The following ANG variants were observed in gnomAD, a reference collection of about 807,000 sequenced individuals.
ANG encodes the protein Homo sapiens epididymis luminal protein 168.
For synonymous variants in ANG, 74 were observed against 73.8 expected, an observed-to-expected ratio of 1.00 and a Z score of -0.02; for missense variants, 178 against 187.4, an observed-to-expected ratio of 0.95 and a Z score of 0.29.
In ANG at chr14:20,694,061, C is replaced by T. The variant is rs767236136; in HGVS notation, c.*53C>T. 94 of 1,599,682 alleles carry T rather than the reference C, an allele frequency of 5.9e-5. No homozygotes were observed. The highest frequency in any genetic ancestry group is 7.9e-5 in the Non-Finnish European group (92 of 1,167,092). On this transcript the variant is annotated 3_prime_UTR_variant, in exon 2 of 2. Coordinates refer to ENST00000397990, the MANE Select transcript of ANG (RefSeq NM_001097577.3). The stretch of plus-strand genomic sequence containing the variant: ...TCTGCTGTCCTTGCCTTCCATTTCC[C>T]CTCTGCACCCAGAACAGTGGTGGCA...
At chr14:20,689,338 T>C (rs752991010) in intron 1 of ANG, among the ~76,000 whole-genome samples, 1 of 152,196 alleles carries the variant, frequency 6.6e-6, no homozygotes, top group African/African-American at 2.4e-5. Flanking sequence ...GAAGGCTCAC[T>C]GGCAGGTTGA....
upstream of ANG, among the ~76,000 whole-genome samples, chr14:20,685,724 C>G (rs1337925220): frequency 6.6e-6 from 1 of 152,080 alleles, no homozygotes; most frequent in Non-Finnish European, 1.5e-5. Flanking sequence ...CTCTGATTGT[C>G]TAGAAAGTAC....
rs1886921814 is a variant in ANG, at chr14:20,693,587, T to C, written c.23T>C (p.Leu8Ser). 1 of 1,613,310 alleles carries C rather than the reference T, an allele frequency of 6.2e-7. No individual in the cohort carries two copies. The highest frequency in any genetic ancestry group is 1.7e-5 in the Admixed American group (1 of 60,010). Residue 8 changes from leucine (L) to serine (S), a missense_variant, in exon 2 of 2, where the codon TTG becomes TCG. Transcript: ENST00000397990. ...GAGATGGTGATGGGCCTGGGCGTTT[T>C]GTTGTTGGTCTTCGTGCTGGGTCTG... MVMGLGV[L>S]LLVFVLGLGL...
chr14:20,689,155 C>T (rs979170526), intron 1 of ANG, among the ~76,000 whole-genome samples: 13 of 152,192 alleles, frequency 8.5e-5, no homozygotes, highest in African/African-American at 2.9e-4. Flanking sequence ...TGAAGGCCAT[C>T]GGGAGTCCTC....
In ANG at chr14:20,694,055, A is replaced by G. The variant is rs144376159; in HGVS notation, c.*47A>G. 5 of 1,606,660 alleles carry G rather than the reference A, an allele frequency of 3.1e-6. No homozygotes were observed. The African/African-American group carries it at 5.3e-5, about 17-fold the overall frequency. On this transcript the variant is annotated 3_prime_UTR_variant, in exon 2 of 2. Coordinates refer to ENST00000397990, the MANE Select transcript of ANG (RefSeq NM_001097577.3). ...GCTGGCTCTGCTGTCCTTGCCTTCC[A>G]TTTCCCCTCTGCACCCAGAACAGTG...
At chr14:20,690,418 G>A (rs12895066) in intron 1 of ANG, among the ~76,000 whole-genome samples, 43,652 of 151,752 alleles carry the variant, frequency 0.29, 6,427 homozygotes, top group East Asian at 0.43. Flanking sequence ...CACCACAAAC[G>A]ATCTGTCTCT....
At chr14:20,685,782 C>T (rs993381238), upstream of ANG, among the ~76,000 whole-genome samples, 2 of 152,142 alleles carry the variant, frequency 1.3e-5, no homozygotes, top group African/African-American at 4.8e-5. Context: ...TGGCTCATGC[C>T]TGTAATCCCA....
At chr14:20,691,651 A>G (rs780115453) in intron 1 of ANG, among the ~76,000 whole-genome samples, 9 of 152,248 alleles carry the variant, frequency 5.9e-5, no homozygotes, top group African/African-American at 7.2e-5. Flanking sequence ...TCAAGTATGG[A>G]CAAATGTCGG....
chr14:20,690,896 C>T (rs1394692497), intron 1 of ANG, among the ~76,000 whole-genome samples: 2 of 152,188 alleles, frequency 1.3e-5, no homozygotes, highest in Non-Finnish European at 2.9e-5. Context: ...ATTGTTCATC[C>T]ACGATCACGT....
intron 1 of ANG, among the ~76,000 whole-genome samples, chr14:20,693,003 ACGCC>A (rs1422131594): frequency 6.6e-6 from 1 of 151,378 alleles, no homozygotes; most frequent in Non-Finnish European, 1.5e-5. Flanking sequence ...GCCCGCCACT[ACGCC>A]CGGCTAATTT....
At chr14:20,688,464 A>G (rs561544342), upstream of ANG, among the ~76,000 whole-genome samples, 53 of 152,184 alleles carry the variant, frequency 3.5e-4, no homozygotes, top group Non-Finnish European at 1.5e-4. Flanking sequence ...GAGATCAGAG[A>G]TGCTATCTTA....
chr14:20,690,625 G>C (rs984392713), intron 1 of ANG, among the ~76,000 whole-genome samples: 1 of 152,186 alleles, frequency 6.6e-6, no homozygotes, highest in East Asian at 1.9e-4. Context: ...ATTTGTCTCT[G>C]TAACTGAGGG....
At chr14:20,685,602 C>T (rs1364464795), upstream of ANG, among the ~76,000 whole-genome samples, 1 of 152,180 alleles carries the variant, frequency 6.6e-6, no homozygotes, top group Non-Finnish European at 1.5e-5. Context: ...CGCTTCAATT[C>T]AAGCAATTCT....
intron 1 of ANG, among the ~76,000 whole-genome samples, chr14:20,690,221 C>CAAAAAAAAAAAAAAAAAA (rs36091065): frequency 5.4e-4 from 37 of 67,986 alleles, no homozygotes; most frequent in Non-Finnish European, 6.9e-4. Context: ...GACTCCGTCT[C>CAAAAAAAAAAAAAAAAAA]AAAAAAAAAA....
In ANG at chr14:20,693,777, T is replaced by C. The variant is rs775737328; in HGVS notation, c.213T>C (p.His71=). Reference sequence around the variant, plus strand: ...GCAAAGACATCAACACATTTATTCATGGCAACAAGCGCAGCATCAAGGCCA... The same window carrying C: ...GCAAAGACATCAACACATTTATTCACGGCAACAAGCGCAGCATCAAGGCCA... The part of the protein sequence containing the change: ...SPCKDINTFI[H]GNKRSIKAIC... The change falls in exon 2 of 2, where the codon CAT becomes CAC. Residue 71 remains histidine (H), a synonymous_variant. Transcript: ENST00000397990. The C allele has an allele frequency of 8.1e-6, 13 of 1,614,094 alleles. No individual in the cohort carries two copies. Among genetic ancestry groups the C allele is most frequent in the South Asian group, 7.7e-5 (7 of 91,080 alleles).
chr14:20,684,354 C>T (rs149147430), upstream of ANG: 116 of 152,348 alleles, frequency 7.6e-4, 1 homozygote, highest in African/African-American at 2.7e-3. Context: ...AGGCAGTGCT[C>T]TCGCGGCTGC....
At chr14:20,684,785 C>T (rs34282815), upstream of ANG, 4,162 of 153,630 alleles carry the variant, frequency 0.027, 85 homozygotes, top group Non-Finnish European at 0.045. Flanking sequence ...GCTCCTCCTC[C>T]TCCTCTCTGG....
intron 1 of ANG, 100 bp from the exon 2 acceptor site, chr14:20,693,447 T>C: frequency 6.7e-7 from 1 of 1,488,118 alleles, no homozygotes. Flanking sequence ...GGAAAAGATC[T>C]GATTCATGAT....
rs1315707918 is a variant in ANG at position 20,693,536 on chromosome 14, G to T, written c.-18-11G>T. The T allele has an allele frequency of 2.5e-6, 4 of 1,609,264 alleles. No homozygotes were observed. The South Asian group carries it at 4.4e-5, about 18-fold the overall frequency. The stretch of plus-strand genomic sequence containing the variant: ...TCTTGGGTCTACCACACCTCCTTTT[G>T]CCCTCCGCAGGAGCCTGTGTTGGAA... On this transcript the variant is annotated splice_polypyrimidine_tract_variant and intron_variant, in intron 1 of 1. Coordinates refer to ENST00000397990, the MANE Select transcript of ANG (RefSeq NM_001097577.3).
Sources: gnomAD v4.1 joint callset for allele counts (sites outside exome capture counted in the v4.1 genomes callset) on GRCh38, gnomAD v4.1.1 for gene constraint, MANE v1.5 for transcripts, NCBI Gene and HGNC (gene_info 2026-07-23, HGNC 2026-07-21) for gene names.